The following ALDH3A2 variants were observed in gnomAD, a reference collection of about 807,000 sequenced individuals.
The protein encoded by ALDH3A2 is aldehyde dehydrogenase family 3 member A2.
ALDH3A2 carries 36 observed loss-of-function variants against 51.3 expected under a neutral mutation model. The observed-to-expected ratio is 0.70, with a 90% CI of 0.54 to 0.93. The LOEUF (loss-of-function observed/expected upper bound fraction) is 0.93. Ranked by LOEUF, ALDH3A2 falls within the 40% of genes least tolerant of loss-of-function variation. The pLI is 0.00. For missense variants in ALDH3A2, 552 were observed against 603.1 expected, an observed-to-expected ratio of 0.92 and a Z score of 0.89; for synonymous variants, 199 against 219.8, an observed-to-expected ratio of 0.91 and a Z score of 0.84.
At position 19,654,854 on chromosome 17, in the gene ALDH3A2, G is replaced by A. The variant is rs879334242; in HGVS notation, c.472-1512G>A. Reference sequence around the variant, plus strand: ...TGCTGAGAGCGAGCAAGGGTTGCCCGCACGCTCTCACCTCTCACCCAGCCT... The same window carrying A: ...TGCTGAGAGCGAGCAAGGGTTGCCCACACGCTCTCACCTCTCACCCAGCCT... On this transcript the variant is annotated intron_variant, in intron 3 of 9. Transcript: ENST00000176643. This position sits in a 1 kb window ranked among gnomAD's most constrained non-coding sequence, Gnocchi z 4.5. Among the ~76,000 whole-genome samples the A allele has an allele frequency of 9.9e-5, 15 of 152,080 alleles. No individual in the cohort carries two copies. The highest frequency in any genetic ancestry group is 2.9e-4 in the African/African-American group (12 of 41,410).
chr17:19,657,657 T>C lies in ALDH3A2; in HGVS notation c.681-88T>C, dbSNP rs1302364555. ...GATAAATATATGAATCTATTTTAGT[T>C]GCAAGACATTCAAACAACACAATGT... On this transcript the variant is annotated intron_variant, in intron 4 of 9. Transcript: ENST00000176643. 2.1e-5 allele frequency: 21 copies of C among 1,010,478 alleles called. No homozygotes were observed. The Middle Eastern group carries it at 6.1e-4, about 29-fold the overall frequency. 62.6% of individuals were successfully genotyped at this position (1,010,478 alleles called of 1,614,324 possible).
chr17:19,660,621 C>T (rs1282145593), intron 5 of ALDH3A2, among the ~76,000 whole-genome samples: 1 of 152,158 alleles, frequency 6.6e-6, no homozygotes, highest in Admixed American at 6.5e-5. Context: ...AATACCAGTT[C>T]AAAGAAGACC....
At chr17:19,666,131 G>A (rs2085034581) in intron 8 of ALDH3A2, among the ~76,000 whole-genome samples, 1 of 152,074 alleles carries the variant, frequency 6.6e-6, no homozygotes, top group Non-Finnish European at 1.5e-5. Context: ...GGTGGTAGCA[G>A]GGGAGATAGT....
chr17:19,649,935 G>T (rs8069478), intron 1 of ALDH3A2: 65,182 of 156,128 alleles, frequency 0.42, 14,307 homozygotes, highest in African/African-American at 0.46. Context: ...CTTTTAAGAC[G>T]GAGTCTCACT....
In ALDH3A2 at chr17:19,661,198, G is replaced by A. The variant is rs761803237; in HGVS notation, c.870G>A (p.Arg290=). 10 of 1,613,936 alleles carry A rather than the reference G, an allele frequency of 6.2e-6. No homozygotes were observed. In the East Asian group the frequency reaches 2.0e-4, roughly 32 times the overall value. Reference sequence around the variant, plus strand: ...TCATCAATCTTCGTCATTTTAAGAGGATACTAAGTTTGCTTGAAGGACAAA... The same window carrying A: ...TCATCAATCTTCGTCATTTTAAGAGAATACTAAGTTTGCTTGAAGGACAAA... ...ERIINLRHFK[R]ILSLLEGQKI... The change falls in exon 6 of 10, where the codon AGG becomes AGA. Residue 290 remains arginine, a synonymous_variant. Coordinates refer to ENST00000176643, the MANE Select transcript of ALDH3A2 (RefSeq NM_000382.3).
intron 9 of ALDH3A2, chr17:19,673,140 G>A (rs1241807097): frequency 1.9e-6 from 3 of 1,614,110 alleles, no homozygotes; most frequent in Non-Finnish European, 2.5e-6. Flanking sequence ...AAATCATTTG[G>A]GTTTTCTCAG....
chr17:19,653,285 T>C (rs1032140652), intron 3 of ALDH3A2, among the ~76,000 whole-genome samples: 4 of 152,094 alleles, frequency 2.6e-5, no homozygotes, highest in African/African-American at 7.2e-5. Context: ...CCTCAGGTGA[T>C]CCGCCCAGCT....
In ALDH3A2 at chr17:19,675,695, C is replaced by A; in HGVS notation, c.*123C>A. On this transcript the variant is annotated 3_prime_UTR_variant, in exon 10 of 10. Transcript: ENST00000176643. Reference sequence around the variant, plus strand: ...AGAAAATATGCAAACACTCTGTGATCAAACTTAAAAGTCATTGCCATTCAT... The same window carrying A: ...AGAAAATATGCAAACACTCTGTGATAAAACTTAAAAGTCATTGCCATTCAT... 8.5e-7 allele frequency: 1 copy of A among 1,169,810 alleles called. No individual in the cohort carries two copies. The highest frequency in any genetic ancestry group is 1.2e-5 in the South Asian group (1 of 80,866). 72.5% of individuals were successfully genotyped at this position (1,169,810 alleles called of 1,614,324 possible). A position where few individuals can be genotyped will look rare whatever the true frequency, so the allele number is the denominator to read the frequency against.
At chr17:19,665,702 G>A (rs2085028173) in intron 8 of ALDH3A2, among the ~76,000 whole-genome samples, 1 of 152,152 alleles carries the variant, frequency 6.6e-6, no homozygotes, top group African/African-American at 2.4e-5. Context: ...TCTCCCACAT[G>A]TGAGATGACT....
rs2085192016 is a variant in ALDH3A2 at position 19,676,505 on chromosome 17, T to C, written c.*933T>C. 1 of 151,984 alleles carries C rather than the reference T, an allele frequency of 6.6e-6. No individual in the cohort carries two copies. The highest frequency in any genetic ancestry group is 1.5e-5 in the Non-Finnish European group (1 of 68,000). 9.4% of individuals were successfully genotyped at this position (151,984 alleles called of 1,614,324 possible). A position where few individuals can be genotyped will look rare whatever the true frequency, so the allele number is the denominator to read the frequency against. On this transcript the variant is annotated 3_prime_UTR_variant, in exon 10 of 10. Transcript: ENST00000176643. ...CTCATCTCTATCAAAAAATAAAAAT[T>C]AGCTAGATGTGGTGGCATGAGCCTG...
intron 6 of ALDH3A2, chr17:19,661,925 T>G (rs1187193170): frequency 1.3e-5 from 2 of 151,992 alleles, no homozygotes; most frequent in Non-Finnish European, 2.9e-5. Flanking sequence ...GCAGAATTGA[T>G]TCTCTTATAA....
Position 19,677,442 on chromosome 17 carries a change from A to G in ALDH3A2, c.*1870A>G, listed in dbSNP as rs2085207888. The stretch of plus-strand genomic sequence containing the variant: ...GTATGTTTAAATTATTGGCTTGTCT[A>G]CTAATACACATCTGCTTCAAAATGA... On this transcript the variant is annotated 3_prime_UTR_variant, in exon 10 of 10. Coordinates refer to ENST00000176643, the MANE Select transcript of ALDH3A2 (RefSeq NM_000382.3). The G allele has an allele frequency of 7.2e-6, 1 of 138,622 alleles. No homozygotes were observed. Among genetic ancestry groups the G allele is most frequent in the African/African-American group, 2.5e-5 (1 of 40,138 alleles). The allele number at this position is 138,622 out of a possible 1,614,324, so 8.6% of individuals were successfully genotyped here. A position where few individuals can be genotyped will look rare whatever the true frequency, so the allele number is the denominator to read the frequency against.
intron 5 of ALDH3A2, among the ~76,000 whole-genome samples, chr17:19,658,268 T>G (rs1431116808): frequency 1.3e-5 from 2 of 152,078 alleles, no homozygotes; most frequent in African/African-American, 4.8e-5. Flanking sequence ...TGGCCAGTAG[T>G]TTGGAGGAGT....
chr17:19,674,135 C>G (rs1442986620), intron 9 of ALDH3A2: 1 of 152,154 alleles, frequency 6.6e-6, no homozygotes, highest in Non-Finnish European at 1.5e-5. Context: ...GTCGTGAAAT[C>G]AAGGTGTAGT....
intron 6 of ALDH3A2, among the ~76,000 whole-genome samples, chr17:19,662,935 G>A (rs1418593059): frequency 6.6e-6 from 1 of 152,050 alleles, no homozygotes; most frequent in African/African-American, 2.4e-5. Context: ...AACTCCAGAG[G>A]CGGAGGTTGC....
chr17:19,663,218 T>C (rs765448559), intron 6 of ALDH3A2, 115 bp from the exon 7 acceptor site: 9 of 1,217,050 alleles, frequency 7.4e-6, no homozygotes, highest in East Asian at 2.4e-5. Flanking sequence ...TCAATAGATA[T>C]GACTTGGGTG....
At chr17:19,672,039 A>G in intron 9 of ALDH3A2, 83 bp downstream of exon 9, 2 of 1,280,232 alleles carry the variant, frequency 1.6e-6, no homozygotes, top group South Asian at 1.2e-5. Context: ...AGGACTCTAC[A>G]TTAACTTGTA....
At chr17:19,669,088 G>C (rs146572494) in intron 8 of ALDH3A2, among the ~76,000 whole-genome samples, 83 of 151,768 alleles carry the variant, frequency 5.5e-4, no homozygotes, top group African/African-American at 2.0e-3. Flanking sequence ...CCCGAGGTCA[G>C]AATCTTGAGA....
intron 9 of ALDH3A2, among the ~76,000 whole-genome samples, chr17:19,673,757 T>C (rs35364675): frequency 0.27 from 40,568 of 152,126 alleles, 6,013 homozygotes; most frequent in East Asian, 0.52. Context: ...AACTTACTTA[T>C]CTCTAGACAT....
Sources: gnomAD v4.1 joint callset for allele counts (sites outside exome capture counted in the v4.1 genomes callset) on GRCh38, gnomAD v4.1.1 for gene constraint, Gnocchi (gnomAD v3.1) non-coding constraint, MANE v1.5 for transcripts, NCBI Gene and HGNC (gene_info 2026-07-23, HGNC 2026-07-21) for gene names.